FGF14: variants seen among roughly 807,000 people sequenced by gnomAD.
FGF14 encodes fibroblast growth factor 14.
A neutral mutation model predicts 25.5 loss-of-function variants in FGF14; 5 were observed. That is an observed-to-expected ratio of 0.20 (90% CI 0.10 to 0.41). The LOEUF is 0.41. Ranked by LOEUF, FGF14 falls within the 10% of genes least tolerant of loss-of-function variation. The probability of loss-of-function intolerance (pLI) is 1.00; values close to 1 mark genes in which losing one functional copy is unlikely to be tolerated. For synonymous variants in FGF14, 138 were observed against 118.3 expected (o/e 1.17, Z -1.08); for missense variants, 222 against 320.1 (o/e 0.69, Z 2.34).
chr13:102,294,127 A>G (rs1007739173), intron 1 of FGF14: 1 of 152,212 alleles, frequency 6.6e-6, no homozygotes, highest in African/African-American at 2.4e-5. Context: ...TTGTTATGCA[A>G]TCATAATACA....
At chr13:102,276,803 T>C (rs1389257288) in intron 1 of FGF14, among the ~76,000 whole-genome samples, 1 of 152,156 alleles carries the variant, frequency 6.6e-6, no homozygotes, top group Non-Finnish European at 1.5e-5. Flanking sequence ...CATTTTAAAA[T>C]TGACAGTAAA....
intron 1 of FGF14, among the ~76,000 whole-genome samples, chr13:102,222,656 C>T (rs1841512640): frequency 6.6e-6 from 1 of 152,178 alleles, no homozygotes. Context: ...TCTACTACTT[C>T]TAGAGGATAC....
At chr13:101,899,714 T>TA (rs2138972018) in intron 1 of FGF14, among the ~76,000 whole-genome samples, 1 of 152,146 alleles carries the variant, frequency 6.6e-6, no homozygotes, top group South Asian at 2.1e-4. Flanking sequence ...AGGATATATC[T>TA]ACCAGTAAGA....
rs1488867401 is a variant in FGF14, at chr13:101,712,432, A to T, written c.*10399T>A. 1 of 152,228 alleles carries T rather than the reference A, an allele frequency of 6.6e-6. No homozygotes were observed. The highest frequency in any genetic ancestry group is 1.9e-4 in the East Asian group (1 of 5,200). The allele number at this position is 152,228 out of a possible 1,614,324, so 9.4% of individuals were successfully genotyped here. A position where few individuals can be genotyped will look rare whatever the true frequency, so the allele number is the denominator to read the frequency against. On this transcript the variant is annotated 3_prime_UTR_variant, in exon 5 of 5. Coordinates refer to ENST00000376143, the MANE Select transcript of FGF14 (RefSeq NM_004115.4). ...AATGCTCTACTATGGCATGAAGCTA[A>T]GCATTCCAGAAGCAAGAGCAGTGAT...
At chr13:102,015,229 T>C (rs16959599) in intron 1 of FGF14, among the ~76,000 whole-genome samples, 4,886 of 152,268 alleles carry the variant, frequency 0.032, 254 homozygotes, top group African/African-American at 0.11. Flanking sequence ...ATGAGAAACA[T>C]CAGCAGAATT....
chr13:101,881,044 T>G (rs1026549430), intron 1 of FGF14, among the ~76,000 whole-genome samples: 1 of 152,164 alleles, frequency 6.6e-6, no homozygotes, highest in Non-Finnish European at 1.5e-5. Flanking sequence ...AGAATGACTA[T>G]GGGCAAAGAC....
chr13:101,714,766 TTG>T lies in FGF14; in HGVS notation c.*8063_*8064del. 1 of 536,062 alleles carries T rather than the reference TTG, an allele frequency of 1.9e-6. No individual in the cohort carries two copies. The highest frequency in any genetic ancestry group is 2.7e-5 in the South Asian group (1 of 37,018). 33.2% of individuals were successfully genotyped at this position (536,062 alleles called of 1,614,324 possible). A position where few individuals can be genotyped will look rare whatever the true frequency, so the allele number is the denominator to read the frequency against. On this transcript the variant is annotated 3_prime_UTR_variant, in exon 5 of 5. Coordinates refer to ENST00000376143, the MANE Select transcript of FGF14 (RefSeq NM_004115.4). Reference sequence around the variant, plus strand: ...GAATACAAGAGAATGAAGCTAAATTTTGTGATTATTTGGGATCCTTCCACAAA... The same window carrying T: ...GAATACAAGAGAATGAAGCTAAATTTTGATTATTTGGGATCCTTCCACAAA...
chr13:102,113,490 T>C (rs2045328142), intron 1 of FGF14, among the ~76,000 whole-genome samples: 1 of 152,182 alleles, frequency 6.6e-6, no homozygotes, highest in African/African-American at 2.4e-5. Context: ...TACAACTACA[T>C]GGAAAGTATC....
Position 101,916,434 on chromosome 13 carries a change from G to T in FGF14, c.193+19C>A. 6.2e-7 allele frequency: 1 copy of T among 1,613,774 alleles called. No individual in the cohort carries two copies. Among genetic ancestry groups the T allele is most frequent in the Non-Finnish European group, 8.5e-7 (1 of 1,179,866 alleles). On this transcript the variant is annotated intron_variant, in intron 1 of 4. Transcript: ENST00000376143. ...GGGGGCGACCCGGGGCGCATCTCCC[G>T]ACCATGACCCCCACAGACCTTGGCG...
chr13:102,112,554 T>A (rs1202403101), intron 1 of FGF14, among the ~76,000 whole-genome samples: 1 of 152,238 alleles, frequency 6.6e-6, no homozygotes, highest in Non-Finnish European at 1.5e-5. Context: ...TATTCATTCA[T>A]TGAATCAACA....
At chr13:102,324,730 G>C (rs1159026899) in intron 1 of FGF14, among the ~76,000 whole-genome samples, 2 of 152,096 alleles carry the variant, frequency 1.3e-5, no homozygotes, top group South Asian at 2.1e-4. Flanking sequence ...GGAAACTAAG[G>C]CTAATAAGAT....
chr13:101,740,428 GA>G (rs941650186), intron 3 of FGF14, among the ~76,000 whole-genome samples: 3 of 152,086 alleles, frequency 2.0e-5, no homozygotes, highest in Non-Finnish European at 2.9e-5. Context: ...GTACCAGAAA[GA>G]AAAAAACATA....
intron 1 of FGF14, among the ~76,000 whole-genome samples, chr13:102,319,524 G>A (rs1310623900): frequency 6.6e-6 from 1 of 152,212 alleles, no homozygotes; most frequent in Non-Finnish European, 1.5e-5. Context: ...CTGCGCTATG[G>A]TGAGGCATGG....
intron 1 of FGF14, among the ~76,000 whole-genome samples, chr13:102,381,307 A>G (rs1323388828): frequency 3.3e-5 from 5 of 152,190 alleles, no homozygotes; most frequent in South Asian, 2.1e-4. Context: ...CCCAAAATTA[A>G]TATGTTGAAA....
At chr13:101,825,023 T>C (rs1049101847) in intron 3 of FGF14, among the ~76,000 whole-genome samples, 4 of 152,240 alleles carry the variant, frequency 2.6e-5, no homozygotes, top group African/African-American at 7.2e-5. Flanking sequence ...TATCCTTTCA[T>C]ATGTCCTTTG....
intron 1 of FGF14, among the ~76,000 whole-genome samples, chr13:102,280,238 C>CT (rs2053760574): frequency 6.6e-6 from 1 of 152,112 alleles, no homozygotes; most frequent in Admixed American, 6.6e-5. Context: ...GCATATTTAT[C>CT]TTTTTAAAAT....
At chr13:102,102,674 C>T (rs1233957728) in intron 1 of FGF14, among the ~76,000 whole-genome samples, 1 of 152,138 alleles carries the variant, frequency 6.6e-6, no homozygotes, top group Admixed American at 6.5e-5. Context: ...ACTCAAATAC[C>T]ACTACTGATA....
rs182607927 is a variant in FGF14, at chr13:101,909,750, C to A, written c.193+6703G>T. Among the ~76,000 whole-genome samples, 220 of 152,194 alleles carry A rather than the reference C, an allele frequency of 1.4e-3. 2 individuals are homozygous for A. Among genetic ancestry groups the A allele is most frequent in the Admixed American group, 0.013 (201 of 15,296 alleles). ...AGCCATCCCATTACTGGGTATATAC[C>A]CAAAGGACTATAAATCATGCTTCTG... On this transcript the variant is annotated intron_variant, in intron 1 of 4. Transcript: ENST00000376143.
intron 1 of FGF14, among the ~76,000 whole-genome samples, chr13:101,909,487 A>G (rs1253112092): frequency 6.6e-6 from 1 of 152,234 alleles, no homozygotes; most frequent in Non-Finnish European, 1.5e-5. Context: ...AGACACGTGA[A>G]AAAATGCTCA....
Sources: gnomAD v4.1 joint callset for allele counts (sites outside exome capture counted in the v4.1 genomes callset) on GRCh38, gnomAD v4.1.1 for gene constraint, MANE v1.5 for transcripts, NCBI Gene and HGNC (gene_info 2026-07-23, HGNC 2026-07-21) for gene names.